Variants in ADAMTS18 observed in about 807,000 individuals in gnomAD.
The protein encoded by ADAMTS18 is ADAM metallopeptidase with thrombospondin type 1 motif 18, also known as A disintegrin and metalloproteinase with thrombospondin motifs 18.
Under a neutral mutation model 165.9 loss-of-function variants are expected in ADAMTS18, and 157 were observed. That is an observed-to-expected ratio of 0.95 (90% CI 0.83 to 1.08). The LOEUF is 1.08. Ranked by LOEUF, ADAMTS18 falls within the 50% of genes least tolerant of loss-of-function variation. The probability of loss-of-function intolerance (pLI) is 0.00; values close to 1 mark genes in which losing one functional copy is unlikely to be tolerated. For synonymous variants in ADAMTS18, 782 were observed against 578.2 expected (o/e 1.35, Z -5.06); for missense variants, 2,040 against 1,534.0 (o/e 1.33, Z -5.51).
chr16:77,388,075 C>G (rs1162109525), intron 3 of ADAMTS18, among the ~76,000 whole-genome samples: 3 of 152,194 alleles, frequency 2.0e-5, no homozygotes, highest in East Asian at 3.9e-4. Context: ...ACTACGCACT[C>G]TGCAAGGCTA....
At chr16:77,363,339 C>T (rs941976365) in intron 6 of ADAMTS18, among the ~76,000 whole-genome samples, 1 of 152,048 alleles carries the variant, frequency 6.6e-6, no homozygotes, top group Non-Finnish European at 1.5e-5. Flanking sequence ...AGGTTTACTA[C>T]AATAATTTTC....
chr16:77,295,299 T>C (rs188629319), intron 18 of ADAMTS18, among the ~76,000 whole-genome samples, 172 bp from the exon 19 acceptor site: 2 of 152,348 alleles, frequency 1.3e-5, no homozygotes, highest in East Asian at 1.9e-4. Flanking sequence ...ACTAATGTGA[T>C]TGAGATATAA....
At chr16:77,287,860 C>T (rs1157470176) in intron 22 of ADAMTS18, among the ~76,000 whole-genome samples, 1 of 152,168 alleles carries the variant, frequency 6.6e-6, no homozygotes, top group Non-Finnish European at 1.5e-5. Flanking sequence ...ATCACTGTAA[C>T]ACTGTGAATA....
intron 7 of ADAMTS18, among the ~76,000 whole-genome samples, chr16:77,360,741 C>T (rs1255059876): frequency 6.6e-6 from 1 of 152,098 alleles, no homozygotes; most frequent in African/African-American, 2.4e-5. Flanking sequence ...TTAAAATAAA[C>T]TTATTTATAG....
intron 3 of ADAMTS18, among the ~76,000 whole-genome samples, chr16:77,401,977 T>G (rs1323214752): frequency 6.6e-6 from 1 of 152,172 alleles, no homozygotes; most frequent in Non-Finnish European, 1.5e-5. Flanking sequence ...GGGTTTCAGG[T>G]GTTCGGACTC....
chr16:77,396,382 G>T (rs1283730140), intron 3 of ADAMTS18, among the ~76,000 whole-genome samples: 1 of 152,158 alleles, frequency 6.6e-6, no homozygotes, highest in African/African-American at 2.4e-5. Flanking sequence ...ACAGATCACA[G>T]CCTTTCTACA....
chr16:77,286,005 GGCTTCCATCGTACTCAGCGTTA>G (rs1259633120), intron 22 of ADAMTS18, among the ~76,000 whole-genome samples: 2 of 152,086 alleles, frequency 1.3e-5, no homozygotes, highest in African/African-American at 4.8e-5. Context: ...GTTCTCCATT[GGCTTCCATCGTACTCAGCGTTA>G]AATCTGAAAT....
chr16:77,382,613 T>A (rs570346388), intron 3 of ADAMTS18, among the ~76,000 whole-genome samples: 2 of 152,226 alleles, frequency 1.3e-5, no homozygotes, highest in African/African-American at 4.8e-5. Flanking sequence ...GAAAGCTGTT[T>A]GACACCCTTG....
chr16:77,287,074 A>G (rs529084842), intron 22 of ADAMTS18, among the ~76,000 whole-genome samples: 1 of 152,234 alleles, frequency 6.6e-6, no homozygotes, highest in South Asian at 2.1e-4. Flanking sequence ...CATGGGCAGA[A>G]TGGTCTTCTC....
intron 16 of ADAMTS18, among the ~76,000 whole-genome samples, chr16:77,310,188 T>C (rs967802197): frequency 2.6e-5 from 4 of 152,222 alleles, no homozygotes; most frequent in African/African-American, 9.6e-5. Context: ...AATTTTTCAA[T>C]TTGAAAGAAG....
At chr16:77,346,313 T>C (rs554593538) in intron 10 of ADAMTS18, among the ~76,000 whole-genome samples, 37 of 152,302 alleles carry the variant, frequency 2.4e-4, no homozygotes, top group African/African-American at 7.7e-4. Context: ...TACAGAACTG[T>C]GTTTTCTCTC....
chr16:77,366,967 A>C (rs538978649), intron 4 of ADAMTS18, among the ~76,000 whole-genome samples: 1 of 152,174 alleles, frequency 6.6e-6, no homozygotes, highest in Non-Finnish European at 1.5e-5. Context: ...TCTATTGGAC[A>C]TCGCTGGTCT....
Position 77,367,543 on chromosome 16 carries a change from C to T in ADAMTS18, c.676G>A (p.Gly226Ser), listed in dbSNP as rs751825126. ...TGGGGAATGTGACTTGGGGAGTAAC[C>T]AGGATAATTCCGGCCAGAGCCGGGG... is the stretch of plus-strand genomic sequence containing the variant. Reference protein sequence around the residue: ...GYPGSGRNYPGYSPSHIPHAS... With the variant: ...GYPGSGRNYPSYSPSHIPHAS... The change falls in exon 4 of 23, where the codon GGT becomes AGT. Residue 226 changes from glycine (G) to serine (S), a missense_variant. By Grantham distance (56) the Gly-to-Ser change is moderately conservative (BLOSUM62 0). Coordinates refer to ENST00000282849, the MANE Select transcript of ADAMTS18 (RefSeq NM_199355.4). The T allele has an allele frequency of 3.1e-6, 5 of 1,614,222 alleles. No individual in the cohort carries two copies. Among genetic ancestry groups the T allele is most frequent in the Non-Finnish European group, 4.2e-6 (5 of 1,180,040 alleles).
intron 16 of ADAMTS18, among the ~76,000 whole-genome samples, chr16:77,319,235 C>G (rs940654767): frequency 1.3e-5 from 2 of 152,122 alleles, no homozygotes; most frequent in African/African-American, 4.8e-5. Flanking sequence ...AAATGGCAGA[C>G]ATAGACAAAC....
chr16:77,310,515 T>C (rs747747933), intron 16 of ADAMTS18, among the ~76,000 whole-genome samples: 5 of 151,668 alleles, frequency 3.3e-5, no homozygotes, highest in Admixed American at 6.5e-5. Flanking sequence ...CAGATGCTTC[T>C]TGTCTAACCC....
intron 18 of ADAMTS18, 25 bp from the exon 19 acceptor site, chr16:77,295,152 C>G (rs746078310): frequency 1.2e-6 from 2 of 1,613,038 alleles, no homozygotes; most frequent in African/African-American, 2.7e-5. Context: ...CAAACATTAC[C>G]AATGAAGCCA....
Position 77,319,851 on chromosome 16 carries a change from CA to C in ADAMTS18, c.2529del (p.Phe843LeufsTer4). ...APGPTNETLVFEILMQGKNPG... is the reference protein window; with the variant it reads ...APGPTNETLVXEILMQGKNPG... ...CTGAATACACAGAAGGGGCTTACTT[CA>C]AAGACCAGCGTCTCATTTGTGGGCC... On this transcript the variant is annotated frameshift_variant, in exon 16 of 23. Transcript: ENST00000282849. LOFTEE classifies it high-confidence loss of function. 1 of 1,614,130 alleles carries C rather than the reference CA, an allele frequency of 6.2e-7. No homozygotes were observed. Among genetic ancestry groups the C allele is most frequent in the South Asian group, 1.1e-5 (1 of 91,082 alleles).
chr16:77,308,238 C>T (rs570523238), intron 16 of ADAMTS18, among the ~76,000 whole-genome samples: 3 of 152,260 alleles, frequency 2.0e-5, no homozygotes, highest in Admixed American at 6.5e-5. Context: ...TGTGAAAACA[C>T]AGGTGGTCAT....
intron 3 of ADAMTS18, among the ~76,000 whole-genome samples, chr16:77,417,136 C>T (rs2057540751): frequency 1.0e-5 from 1 of 95,300 alleles, no homozygotes; most frequent in Non-Finnish European, 2.8e-5. Context: ...TACTGCTCAC[C>T]CTCACATTGA....
Sources: gnomAD v4.1 joint callset for allele counts (sites outside exome capture counted in the v4.1 genomes callset) on GRCh38, gnomAD v4.1.1 for gene constraint, MANE v1.5 for transcripts, NCBI Gene and HGNC (gene_info 2026-07-23, HGNC 2026-07-21) for gene names.